Variants in BNC2 observed in about 807,000 individuals in gnomAD.
BNC2 encodes basonuclin zinc finger protein 2.
BNC2 carries 20 observed loss-of-function variants against 76.3 expected under a neutral mutation model. That is an observed-to-expected ratio of 0.26 (90% CI 0.18 to 0.38). BNC2 has a LOEUF of 0.38. BNC2 is among the 10% of genes least tolerant of loss of function. BNC2 has a pLI of 1.00. For synonymous variants in BNC2, 582 were observed against 514.8 expected, an observed-to-expected ratio of 1.13 and a Z score of -1.77; for missense variants, 1,382 against 1,399.8, an observed-to-expected ratio of 0.99 and a Z score of 0.20.
chr9:16,762,674 G>A (rs1293742802), intron 1 of BNC2, among the ~76,000 whole-genome samples: 1 of 152,176 alleles, frequency 6.6e-6, no homozygotes, highest in Non-Finnish European at 1.5e-5. Context: ...CAGAGACAAC[G>A]AGGAACAGAG....
intron 5 of BNC2, among the ~76,000 whole-genome samples, chr9:16,456,259 C>G (rs988865821): frequency 2.6e-5 from 4 of 152,122 alleles, no homozygotes; most frequent in Non-Finnish European, 5.9e-5. Context: ...ATCTTTCTTT[C>G]AGCATCTGTT....
chr9:16,514,585 T>G (rs1822835470), intron 5 of BNC2, among the ~76,000 whole-genome samples: 1 of 152,350 alleles, frequency 6.6e-6, no homozygotes, highest in South Asian at 2.1e-4. Flanking sequence ...TATCATAAAC[T>G]TTCTTTCCTC....
At chr9:16,770,300 T>C (rs959851741) in intron 1 of BNC2, among the ~76,000 whole-genome samples, 1 of 152,170 alleles carries the variant, frequency 6.6e-6, no homozygotes, top group African/African-American at 2.4e-5. Context: ...GCTCTTTCTA[T>C]TCAGGTAAAA....
At chr9:16,664,897 C>T (rs1440725953) in intron 3 of BNC2, among the ~76,000 whole-genome samples, 3 of 101,494 alleles carry the variant, frequency 3.0e-5, no homozygotes, top group Admixed American at 1.1e-4. Flanking sequence ...ATGCTGCCTA[C>T]ACCCTGCCTA....
chr9:16,822,906 T>C (rs1438638494), intron 1 of BNC2, among the ~76,000 whole-genome samples: 3 of 152,170 alleles, frequency 2.0e-5, no homozygotes, highest in Admixed American at 6.5e-5. Flanking sequence ...AACTCAAAAG[T>C]TCATACTATG....
At chr9:16,718,199 G>A (rs1824045848) in intron 3 of BNC2, among the ~76,000 whole-genome samples, 1 of 152,124 alleles carries the variant, frequency 6.6e-6, no homozygotes, top group Non-Finnish European at 1.5e-5. Flanking sequence ...AGGCAGGCAG[G>A]GTTCATTAAG....
chr9:16,567,675 A>G lies in BNC2; in HGVS notation c.434-14910T>C, dbSNP rs548681416. Among the ~76,000 whole-genome samples the G allele has an allele frequency of 7.2e-5, 11 of 152,186 alleles. No individual in the cohort carries two copies. In the South Asian group the frequency reaches 1.7e-3, roughly 23 times the overall value. ...GATCCTACAAAATTGGCTCTCAGTGATAGTTTATAGTTCTTAGTTTTCCAC... is the reference window on the plus strand; with the variant it reads ...GATCCTACAAAATTGGCTCTCAGTGGTAGTTTATAGTTCTTAGTTTTCCAC... On this transcript the variant is annotated intron_variant, in intron 4 of 6. Coordinates refer to ENST00000380672, the MANE Select transcript of BNC2 (RefSeq NM_017637.6).
chr9:16,793,459 G>C (rs1199704157), intron 1 of BNC2, among the ~76,000 whole-genome samples: 1 of 152,050 alleles, frequency 6.6e-6, no homozygotes, highest in Non-Finnish European at 1.5e-5. Flanking sequence ...TCTTTGGGAA[G>C]GATCAATTCT....
chr9:16,475,703 A>G (rs1821913896), intron 5 of BNC2, among the ~76,000 whole-genome samples: 1 of 152,196 alleles, frequency 6.6e-6, no homozygotes, highest in African/African-American at 2.4e-5. Flanking sequence ...TTCAGATTGC[A>G]GGTTGGGAAT....
chr9:16,459,418 C>A (rs1445454813), intron 5 of BNC2, among the ~76,000 whole-genome samples: 1 of 152,082 alleles, frequency 6.6e-6, no homozygotes, highest in East Asian at 1.9e-4. Flanking sequence ...GGGTAAAGCT[C>A]TCTGCAAAGG....
intron 1 of BNC2, among the ~76,000 whole-genome samples, chr9:16,746,520 C>T (rs1253093593): frequency 1.3e-5 from 2 of 151,896 alleles, no homozygotes; most frequent in Non-Finnish European, 2.9e-5. Context: ...TGTGCCACCA[C>T]GCCCGGCTAA....
At chr9:16,511,682 GC>G (rs965704120) in intron 5 of BNC2, among the ~76,000 whole-genome samples, 4 of 151,988 alleles carry the variant, frequency 2.6e-5, no homozygotes, top group African/African-American at 9.7e-5. Context: ...ATGGGCCTCA[GC>G]CCCCCAAAGT....
At chr9:16,837,060 G>T (rs905460109) in intron 1 of BNC2, among the ~76,000 whole-genome samples, 1 of 152,132 alleles carries the variant, frequency 6.6e-6, no homozygotes, top group Admixed American at 6.5e-5. Context: ...GACTACATAG[G>T]TAAGTTCTAA....
chr9:16,618,531 G>C (rs559697870), intron 3 of BNC2, among the ~76,000 whole-genome samples: 1 of 152,114 alleles, frequency 6.6e-6, no homozygotes, highest in Admixed American at 6.5e-5. Context: ...AGCAAGATCT[G>C]TAAATTTCAT....
intron 3 of BNC2, among the ~76,000 whole-genome samples, chr9:16,585,012 A>C (rs1667935309): frequency 6.6e-6 from 1 of 152,166 alleles, no homozygotes; most frequent in South Asian, 2.1e-4. Context: ...GAGGGCCAAT[A>C]AAATGAGATG....
chr9:16,524,192 C>T (rs1179509829), intron 5 of BNC2, among the ~76,000 whole-genome samples: 1 of 152,166 alleles, frequency 6.6e-6, no homozygotes, highest in African/African-American at 2.4e-5. Context: ...CCAGTAGCAA[C>T]AGAGTTGACT....
intron 1 of BNC2, among the ~76,000 whole-genome samples, chr9:16,755,561 C>T (rs1448017022): frequency 1.3e-5 from 2 of 152,094 alleles, no homozygotes; most frequent in Non-Finnish European, 2.9e-5. Context: ...CCCATCCCAC[C>T]GTTCCATGTC....
intron 3 of BNC2, among the ~76,000 whole-genome samples, chr9:16,600,021 A>G (rs983677691): frequency 6.6e-6 from 1 of 152,220 alleles, no homozygotes; most frequent in Admixed American, 6.5e-5. Flanking sequence ...TCACTCACTC[A>G]TATTTAAAAC....
At chr9:16,650,492 A>C (rs1821763145) in intron 3 of BNC2, among the ~76,000 whole-genome samples, 1 of 152,210 alleles carries the variant, frequency 6.6e-6, no homozygotes, top group Non-Finnish European at 1.5e-5. Flanking sequence ...ACATATGAAT[A>C]ACAGAGTCCA....
Sources: allele counts gnomAD v4.1 joint callset (sites outside exome capture counted in the v4.1 genomes callset), GRCh38; gene constraint gnomAD v4.1.1; transcripts MANE v1.5; gene names NCBI Gene and HGNC (gene_info 2026-07-23, HGNC 2026-07-21).